CFAP57: variants seen among roughly 807,000 people sequenced by gnomAD.
The protein encoded by CFAP57 is cilia- and flagella-associated protein 57.
In CFAP57, 116 loss-of-function variants were observed where a neutral mutation model predicts 146.8. The observed-to-expected ratio is 0.79, with a 90% CI of 0.68 to 0.92. The LOEUF is 0.92. Among genes scored for constraint, CFAP57 ranks in the 40% least tolerant of loss-of-function variants. The pLI is 0.00. For missense variants in CFAP57, 1,377 were observed against 1,527.2 expected (o/e 0.90, Z 1.64); for synonymous variants, 518 against 552.8 (o/e 0.94, Z 0.88).
intron 22 of CFAP57, among the ~76,000 whole-genome samples, chr1:43,247,577 G>A (rs1406511655): frequency 6.6e-6 from 1 of 152,108 alleles, no homozygotes; most frequent in Admixed American, 6.5e-5. Flanking sequence ...AACCGCCAAT[G>A]CATTTGTTTA....
rs143451113 is a variant in CFAP57 at position 43,240,180 on chromosome 1, G to A, written c.3406-3047G>A. ...CCCTCCCTCCCAAACTGGGGAGACC[G>A]AAGAATGACAAGTCCAGCTTGGTGA... is the stretch of plus-strand genomic sequence containing the variant. On this transcript the variant is annotated intron_variant, in intron 21 of 22. Coordinates refer to ENST00000372492, the MANE Select transcript of CFAP57 (RefSeq NM_001378189.1). Among the ~76,000 whole-genome samples, 815 of 141,694 alleles carry A rather than the reference G, an allele frequency of 5.8e-3. 9 individuals carry two copies. The highest frequency in any genetic ancestry group is 0.019 in the African/African-American group (765 of 39,950). The allele number at this position is 141,694 out of a possible 152,430, so 93.0% of individuals were successfully genotyped here. A position where few individuals can be genotyped will look rare whatever the true frequency, so the allele number is the denominator to read the frequency against.
At position 43,238,685 on chromosome 1, in the gene CFAP57, C is replaced by T. The variant is rs953339038; in HGVS notation, c.3405+4047C>T. 4.6e-5 allele frequency among the ~76,000 whole-genome samples: 7 copies of T among 152,124 alleles called. No individual in the cohort carries two copies. The highest frequency in any genetic ancestry group is 2.0e-4 in the Admixed American group (3 of 15,276). ...ACAGGCCACCCCAGAAAACATTTTG[C>T]AGGTAGCCCAACTTATACTTATTGG... is the stretch of plus-strand genomic sequence containing the variant. On this transcript the variant is annotated intron_variant, in intron 21 of 22. Transcript: ENST00000372492. This position sits in a 1 kb window ranked among gnomAD's most constrained non-coding sequence, Gnocchi z 4.3.
chr1:43,180,196 A>C (rs1416304627), intron 2 of CFAP57, among the ~76,000 whole-genome samples: 3 of 145,938 alleles, frequency 2.1e-5, no homozygotes, highest in African/African-American at 7.8e-5. Context: ...ACAAGAGTGA[A>C]ACTCTATCTC....
intron 21 of CFAP57, among the ~76,000 whole-genome samples, chr1:43,242,039 T>C (rs772378625): frequency 4.6e-5 from 7 of 152,176 alleles, no homozygotes; most frequent in Non-Finnish European, 8.8e-5. Context: ...CTCACTCCTG[T>C]CGACTCCCCT....
intron 9 of CFAP57, among the ~76,000 whole-genome samples, chr1:43,200,857 G>C (rs192092571): frequency 5.9e-5 from 9 of 152,268 alleles, no homozygotes; most frequent in Admixed American, 5.9e-4. Context: ...GAGAAACAAC[G>C]GAAAGGATTT....
At chr1:43,249,082 G>A (rs1478400489) in intron 22 of CFAP57, among the ~76,000 whole-genome samples, 1 of 140,102 alleles carries the variant, frequency 7.1e-6, no homozygotes, top group East Asian at 2.1e-4. Flanking sequence ...TTTTAGTAGA[G>A]ACGAGGTTTC....
At chr1:43,221,110 C>T (rs72684042) in intron 13 of CFAP57, among the ~76,000 whole-genome samples, 2,762 of 152,246 alleles carry the variant, frequency 0.018, 47 homozygotes, top group South Asian at 0.06. Context: ...CCTTTTGACA[C>T]GTGTCCAAAA....
chr1:43,219,005 A>C (rs1181795318), intron 12 of CFAP57, among the ~76,000 whole-genome samples: 1 of 152,232 alleles, frequency 6.6e-6, no homozygotes, highest in Admixed American at 6.5e-5. Flanking sequence ...AATTGTAGAA[A>C]GTGCAAGATC....
rs551674877 is a variant in CFAP57 at position 43,245,165 on chromosome 1, C to T, written c.3538+1806C>T. ...CTCTACAAAAAATACAAAAATCAGC[C>T]GGGCATGATGGCATATGCCTGTAGT... is the stretch of plus-strand genomic sequence containing the variant. On this transcript the variant is annotated intron_variant, in intron 22 of 22. Transcript: ENST00000372492. Among the ~76,000 whole-genome samples the T allele has an allele frequency of 1.4e-4, 21 of 151,422 alleles. No individual in the cohort carries two copies. The East Asian group carries it at 3.1e-3, about 23-fold the overall frequency.
chr1:43,226,849 G>A (rs1357956680), intron 17 of CFAP57, 134 bp from the exon 18 acceptor site: 13 of 1,014,830 alleles, frequency 1.3e-5, no homozygotes, highest in Admixed American at 3.3e-5. Context: ...CTGTACTGAC[G>A]AAGGGAGGAG....
rs575678192 is a variant in CFAP57, at chr1:43,184,994, G to C, written c.762-155G>C. On this transcript the variant is annotated intron_variant, in intron 4 of 22. Coordinates refer to ENST00000372492, the MANE Select transcript of CFAP57 (RefSeq NM_001378189.1). ...GCTTGGCCATGTGCAGTTTGTGTAC[G>C]GTTCCCAAGCCAAAGGGTAGTATTT... The C allele has an allele frequency of 8.3e-5, 66 of 791,406 alleles. No individual in the cohort carries two copies. The African/African-American group carries it at 1.0e-3, about 12-fold the overall frequency. The allele number at this position is 791,406 out of a possible 1,614,324, so 49.0% of individuals were successfully genotyped here. A position where few individuals can be genotyped will look rare whatever the true frequency, so the allele number is the denominator to read the frequency against.
chr1:43,226,125 A>G (rs1645234375), intron 17 of CFAP57, among the ~76,000 whole-genome samples: 1 of 152,242 alleles, frequency 6.6e-6, no homozygotes, highest in South Asian at 2.1e-4. Context: ...GTGAGCCAAG[A>G]TCGTGCCACT....
At chr1:43,195,731 A>G (rs1405393359) in intron 6 of CFAP57, among the ~76,000 whole-genome samples, 1 of 152,224 alleles carries the variant, frequency 6.6e-6, no homozygotes, top group Admixed American at 6.5e-5. Context: ...CGTGTTGAGA[A>G]AAAAGTAAAA....
intron 11 of CFAP57, among the ~76,000 whole-genome samples, chr1:43,213,512 C>G (rs55805863): frequency 0.89 from 128,349 of 144,604 alleles, 56,282 homozygotes; most frequent in East Asian, 0.99. Context: ...ATGGGGGGGG[C>G]GGTGGAGCGC....
Position 43,223,066 on chromosome 1 carries a change from C to T in CFAP57, c.2706+69C>T, listed in dbSNP as rs552533845. The T allele has an allele frequency of 5.2e-4, 765 of 1,477,072 alleles. 9 individuals carry two copies. The South Asian group carries it at 9.9e-3, about 19-fold the overall frequency. The allele number at this position is 1,477,072 out of a possible 1,614,324, so 91.5% of individuals were successfully genotyped here. ...TGCAGAGAAAGCTGGGGTGGGTGGACTGACCGGCCTGGGGGTGCTGGCCAG... is the reference window on the plus strand; with the variant it reads ...TGCAGAGAAAGCTGGGGTGGGTGGATTGACCGGCCTGGGGGTGCTGGCCAG... On this transcript the variant is annotated intron_variant, in intron 16 of 22. Transcript: ENST00000372492.
rs759535133 is a variant in CFAP57, at chr1:43,181,754, G to T, written c.378G>T (p.Thr126=). The T allele has an allele frequency of 6.2e-7, 1 of 1,614,000 alleles. No homozygotes were observed. ...SPDSKYLLAQ[T]SPPESNLVYW... is the part of the protein sequence containing the mutation. The stretch of plus-strand genomic sequence containing the variant: ...ACTCCAAATACCTATTGGCTCAGAC[G>T]TCACCTCCAGAGTCAAATCTTGTCT... Residue 126 remains threonine, a synonymous_variant, in exon 3 of 23, where the codon ACG becomes ACT. Coordinates refer to ENST00000372492, the MANE Select transcript of CFAP57 (RefSeq NM_001378189.1).
intron 2 of CFAP57, 41 bp from the exon 3 acceptor site, chr1:43,181,493 T>G: frequency 6.2e-7 from 1 of 1,611,088 alleles, no homozygotes; most frequent in Admixed American, 1.7e-5. Flanking sequence ...CTGGTGAAAG[T>G]GTGATCTACC....
chr1:43,198,856 G>T (rs4606351), intron 8 of CFAP57, among the ~76,000 whole-genome samples: 1 of 152,126 alleles, frequency 6.6e-6, no homozygotes, highest in African/African-American at 2.4e-5. Context: ...ATGTCCACCA[G>T]ACTATTTCAT....
At chr1:43,190,831 C>G (rs1643474517) in intron 6 of CFAP57, among the ~76,000 whole-genome samples, 1 of 151,962 alleles carries the variant, frequency 6.6e-6, no homozygotes, top group African/African-American at 2.4e-5. Context: ...GGGATAAAAT[C>G]CACTTGGCCA....
Sources: allele counts gnomAD v4.1 joint callset (sites outside exome capture counted in the v4.1 genomes callset), GRCh38; gene constraint gnomAD v4.1.1; non-coding constraint Gnocchi (gnomAD v3.1); transcripts MANE v1.5; gene names NCBI Gene and HGNC (gene_info 2026-07-23, HGNC 2026-07-21).